The following MICAL2 variants were observed in gnomAD, a reference collection of about 807,000 sequenced individuals.
The protein encoded by MICAL2 is microtubule associated monooxygenase, calponin and LIM domain containing 2.
A neutral mutation model predicts 127.3 loss-of-function variants in MICAL2; 77 were observed. That is an observed-to-expected ratio of 0.60 (90% CI 0.50 to 0.73). MICAL2 has a LOEUF of 0.73. Ranked by LOEUF, MICAL2 falls within the 30% of genes least tolerant of loss-of-function variation. MICAL2 has a pLI of 0.00. For missense variants in MICAL2, 1,351 were observed against 1,434.4 expected, an observed-to-expected ratio of 0.94 and a Z score of 0.94; for synonymous variants, 570 against 551.1, an observed-to-expected ratio of 1.03 and a Z score of -0.48.
At chr11:12,277,511 G>T (rs1221637331) in intron 1 of MICAL2, among the ~76,000 whole-genome samples, 1 of 152,146 alleles carries the variant, frequency 6.6e-6, no homozygotes, top group Non-Finnish European at 1.5e-5. Context: ...GCTGAGAATT[G>T]GTTGGCAAGA....
At chr11:12,283,159 T>A (rs1350653822) in intron 2 of MICAL2, among the ~76,000 whole-genome samples, 1 of 152,206 alleles carries the variant, frequency 6.6e-6, no homozygotes, top group Non-Finnish European at 1.5e-5. Context: ...CTGTGCTTTG[T>A]GCTGCTGGTT....
At chr11:12,235,592 G>T (rs1397195040) in intron 15 of MICAL2, among the ~76,000 whole-genome samples, 3 of 152,182 alleles carry the variant, frequency 2.0e-5, no homozygotes, top group Non-Finnish European at 2.9e-5. Context: ...ATAAAATATT[G>T]TTTACTAGGA....
Position 12,223,455 on chromosome 11 carries a change from C to A in MICAL2, c.1494C>A (p.Leu498=). 1.9e-6 allele frequency: 3 copies of A among 1,614,064 alleles called. No homozygotes were observed. The highest frequency in any genetic ancestry group is 2.5e-6 in the Non-Finnish European group (3 of 1,180,010). Residue 498 remains leucine (L), a synonymous_variant, in exon 12 of 28, where the codon CTC becomes CTA. Transcript: ENST00000683283. ...YITKELEHYP[L]ERLGSVRRSV... is the part of the protein sequence containing the mutation. The stretch of plus-strand genomic sequence containing the variant: ...CTAAGGAGCTGGAGCACTACCCTCT[C>A]GAGAGACTGGGCTCGGTGAGGAGAT...
chr11:12,280,144 C>T (rs575184033), intron 1 of MICAL2, among the ~76,000 whole-genome samples: 3 of 152,294 alleles, frequency 2.0e-5, no homozygotes, highest in Non-Finnish European at 4.4e-5. Context: ...ATGTTAAATA[C>T]CACCCACCCC....
intron 1 of MICAL2, among the ~76,000 whole-genome samples, chr11:12,136,011 C>G (rs996708713): frequency 6.6e-6 from 1 of 152,160 alleles, no homozygotes; most frequent in Admixed American, 6.5e-5. Flanking sequence ...CAGGCCCTGT[C>G]CAAGTGCTGG....
chr11:12,336,361 A>G (rs887801713), intron 32 of MICAL2, among the ~76,000 whole-genome samples: 30 of 152,120 alleles, frequency 2.0e-4, no homozygotes, highest in African/African-American at 6.8e-4. Flanking sequence ...GGGCTGAGAC[A>G]ATGGGGTTTT....
At chr11:12,208,339 T>G in intron 5 of MICAL2, 200 bp downstream of exon 5, 2 of 513,850 alleles carry the variant, frequency 3.9e-6, no homozygotes, top group Non-Finnish European at 6.9e-6. Flanking sequence ...AGGGGATTTA[T>G]GATTAAGCCA....
At chr11:12,331,801 C>T (rs940398307) in intron 32 of MICAL2, among the ~76,000 whole-genome samples, 2 of 152,186 alleles carry the variant, frequency 1.3e-5, no homozygotes, top group Admixed American at 6.5e-5. Context: ...AAAGCACCCA[C>T]AAAAGGGCCT....
intron 29 of MICAL2, among the ~76,000 whole-genome samples, chr11:12,317,697 C>A (rs1864246485): frequency 6.6e-6 from 1 of 151,796 alleles, no homozygotes; most frequent in South Asian, 2.1e-4. Flanking sequence ...GAGGCTGAGG[C>A]AGGAGAATCA....
chr11:12,289,555 T>G (rs1863869749), downstream of MICAL2, among the ~76,000 whole-genome samples: 1 of 123,438 alleles, frequency 8.1e-6, no homozygotes, highest in Non-Finnish European at 1.6e-5. Flanking sequence ...GGGCACCTCT[T>G]GTTTTTTTTT....
intron 29 of MICAL2, among the ~76,000 whole-genome samples, chr11:12,313,005 A>C (rs1178071389): frequency 6.6e-6 from 1 of 152,056 alleles, no homozygotes; most frequent in East Asian, 1.9e-4. Flanking sequence ...TCTCTACTAA[A>C]AAAAATACAA....
intron 29 of MICAL2, among the ~76,000 whole-genome samples, chr11:12,313,930 G>A (rs1446527939): frequency 1.6e-5 from 1 of 63,430 alleles, no homozygotes; most frequent in Non-Finnish European, 3.7e-5. Flanking sequence ...CCTGATTTTT[G>A]TTGTATTTCT....
At chr11:12,227,628 G>C (rs541170147) in intron 15 of MICAL2, among the ~76,000 whole-genome samples, 2 of 152,212 alleles carry the variant, frequency 1.3e-5, no homozygotes, top group Non-Finnish European at 2.9e-5. Context: ...TGTTTCTGAT[G>C]AGGGGAGCAA....
chr11:12,295,447 T>TTTC (rs2134793129), downstream of MICAL2, among the ~76,000 whole-genome samples: 1 of 108,474 alleles, frequency 9.2e-6, no homozygotes, highest in South Asian at 3.0e-4. Context: ...GCCTCTTTTT[T>TTTC]TTTTTTTTTT....
At chr11:12,223,045 A>G (rs1277939462) in intron 11 of MICAL2, among the ~76,000 whole-genome samples, 1 of 152,322 alleles carries the variant, frequency 6.6e-6, no homozygotes. Context: ...TACTTGGCCA[A>G]ATATGATCTC....
Position 12,197,911 on chromosome 11 carries a change from A to G in MICAL2, c.265-6339A>G, listed in dbSNP as rs1565144045. The G allele has an allele frequency of 3.3e-5, 5 of 152,334 alleles. No homozygotes were observed. In the South Asian group the frequency reaches 8.3e-4, roughly 25 times the overall value. The allele number at this position is 152,334 out of a possible 1,614,324, so 9.4% of individuals were successfully genotyped here. On this transcript the variant is annotated intron_variant, in intron 3 of 27. Transcript: ENST00000683283. ...GGTTTTTTTAGGGAACGTACAAAGC[A>G]TAGGATACCTTTTTCCATTTTATTT...
intron 32 of MICAL2, among the ~76,000 whole-genome samples, chr11:12,337,825 G>A (rs1938793360): frequency 6.6e-6 from 1 of 152,134 alleles, no homozygotes; most frequent in South Asian, 2.1e-4. Context: ...GAGACAGTTT[G>A]TTATAATTTC....
At chr11:12,211,865 C>T (rs1855513768) in intron 6 of MICAL2, among the ~76,000 whole-genome samples, 1 of 152,220 alleles carries the variant, frequency 6.6e-6, no homozygotes, top group Admixed American at 6.5e-5. Flanking sequence ...GACAGCACAA[C>T]AGCCCAGTGG....
intron 29 of MICAL2, among the ~76,000 whole-genome samples, chr11:12,298,374 TAA>T (rs1308099777): frequency 6.6e-6 from 1 of 152,140 alleles, no homozygotes; most frequent in Non-Finnish European, 1.5e-5. Context: ...CTCTTTGTTA[TAA>T]AAGTTTTTCA....
Sources: allele counts gnomAD v4.1 joint callset (sites outside exome capture counted in the v4.1 genomes callset), GRCh38; gene constraint gnomAD v4.1.1; transcripts MANE v1.5; gene names NCBI Gene and HGNC (gene_info 2026-07-23, HGNC 2026-07-21).